MTUS2: variants seen among roughly 807,000 people sequenced by gnomAD.
MTUS2 encodes microtubule associated scaffold protein 2.
MTUS2 carries 40 observed loss-of-function variants against 114.1 expected under a neutral mutation model. The observed-to-expected ratio is 0.35, with a 90% CI of 0.27 to 0.46. MTUS2 has a LOEUF of 0.46. MTUS2 is among the 20% of genes least tolerant of loss of function. MTUS2 has a pLI of 1.00. For synonymous variants in MTUS2, 688 were observed against 672.0 expected, an observed-to-expected ratio of 1.02 and a Z score of -0.37; for missense variants, 1,679 against 1,705.4, an observed-to-expected ratio of 0.98 and a Z score of 0.27.
intron 5 of MTUS2, among the ~76,000 whole-genome samples, chr13:29,185,693 T>G (rs1894195549): frequency 6.6e-6 from 1 of 152,178 alleles, no homozygotes; most frequent in East Asian, 1.9e-4. Context: ...AGCAAAGCCA[T>G]CCTTTAATAA....
chr13:29,201,600 A>G (rs974591969), intron 5 of MTUS2, among the ~76,000 whole-genome samples: 4 of 152,138 alleles, frequency 2.6e-5, no homozygotes, highest in African/African-American at 4.8e-5. Context: ...TCATGGTGTC[A>G]GTGGTCTTTA....
intron 6 of MTUS2, among the ~76,000 whole-genome samples, chr13:29,291,191 G>GCT (rs1475050290): frequency 6.6e-6 from 1 of 152,102 alleles, no homozygotes; most frequent in Admixed American, 6.5e-5. Flanking sequence ...GGTAGAGGCA[G>GCT]CTCACAGCAG....
chr13:29,371,985 C>A (rs1042264672), intron 8 of MTUS2, among the ~76,000 whole-genome samples: 2 of 54,164 alleles, frequency 3.7e-5, no homozygotes, highest in African/African-American at 1.1e-4. Context: ...CGCCCCCCCC[C>A]CCACACACAC....
intron 2 of MTUS2, among the ~76,000 whole-genome samples, chr13:28,989,134 G>C (rs796206288): frequency 2.0e-5 from 3 of 152,298 alleles, no homozygotes; most frequent in African/African-American, 7.2e-5. Context: ...GATAACTTAA[G>C]ATGCTCTGTT....
chr13:28,935,500 C>G (rs533817795), intron 2 of MTUS2, among the ~76,000 whole-genome samples: 1 of 151,792 alleles, frequency 6.6e-6, no homozygotes, highest in Admixed American at 6.6e-5. Flanking sequence ...ATATTGCAGA[C>G]AAGTCCTCTG....
At chr13:29,459,891 C>A (rs1320500749) in intron 9 of MTUS2, among the ~76,000 whole-genome samples, 1 of 152,124 alleles carries the variant, frequency 6.6e-6, no homozygotes, top group Non-Finnish European at 1.5e-5. Context: ...ACTTCTCCTG[C>A]CTCTTCCTAA....
rs145313677 is a variant in MTUS2 at position 28,823,627 on chromosome 13, G to C, written c.-316+3016G>C. On this transcript the variant is annotated intron_variant, in intron 1 of 15. Coordinates refer to ENST00000612955, the MANE Select transcript of MTUS2 (RefSeq NM_001033602.4). ...CTCAACTGGGCCTCAACCTTGGCCC[G>C]TAAGAACTGCAGCTTTCAACACAAA... is the stretch of plus-strand genomic sequence containing the variant. 9.9e-4 allele frequency among the ~76,000 whole-genome samples: 151 copies of C among 152,314 alleles called. 1 individual carries two copies. Among genetic ancestry groups the C allele is most frequent in the African/African-American group, 3.5e-3 (146 of 41,572 alleles).
intron 5 of MTUS2, among the ~76,000 whole-genome samples, chr13:29,178,433 G>A (rs1049801070): frequency 6.6e-6 from 1 of 152,064 alleles, no homozygotes; most frequent in Non-Finnish European, 1.5e-5. Flanking sequence ...CAGAACCAGA[G>A]TTAGGAATTA....
chr13:29,007,291 C>G (rs1885642947), intron 2 of MTUS2, among the ~76,000 whole-genome samples: 1 of 151,876 alleles, frequency 6.6e-6, no homozygotes, highest in South Asian at 2.1e-4. Flanking sequence ...AATTGCAGTC[C>G]TCTGTCTGCC....
chr13:28,832,310 C>T (rs1181408189), intron 1 of MTUS2, among the ~76,000 whole-genome samples: 1 of 152,008 alleles, frequency 6.6e-6, no homozygotes, highest in Non-Finnish European at 1.5e-5. Flanking sequence ...TGAAATAATA[C>T]AGAATATGTT....
intron 5 of MTUS2, among the ~76,000 whole-genome samples, chr13:29,149,637 A>G (rs7999371): frequency 0.9 from 137,564 of 152,212 alleles, 62,199 homozygotes; most frequent in East Asian, 0.96. Context: ...TTCTTCTAGG[A>G]TTTTTATAGT....
intron 5 of MTUS2, among the ~76,000 whole-genome samples, chr13:29,221,953 TTAGAGA>T (rs906236377): frequency 2.2e-4 from 34 of 152,336 alleles, no homozygotes; most frequent in African/African-American, 7.2e-4. Flanking sequence ...TATTTTCTTT[TTAGAGA>T]TAGAGTCTCA....
At chr13:29,397,534 CCAGT>C (rs1260456484) in intron 8 of MTUS2, among the ~76,000 whole-genome samples, 1 of 152,184 alleles carries the variant, frequency 6.6e-6, no homozygotes, top group African/African-American at 2.4e-5. Flanking sequence ...CATCCTAGGC[CCAGT>C]CAGTCAGAAT....
chr13:29,098,373 T>C (rs1474613397), intron 4 of MTUS2, among the ~76,000 whole-genome samples: 1 of 152,164 alleles, frequency 6.6e-6, no homozygotes, highest in Non-Finnish European at 1.5e-5. Context: ...TAGTGTATGA[T>C]ATAGGTACCA....
At chr13:29,470,276 T>C (rs1460786304) in intron 9 of MTUS2, among the ~76,000 whole-genome samples, 1 of 152,224 alleles carries the variant, frequency 6.6e-6, no homozygotes, top group Non-Finnish European at 1.5e-5. Context: ...CATGAAAGGC[T>C]TATCAAAATT....
At chr13:29,364,122 C>T (rs933027485) in intron 8 of MTUS2, among the ~76,000 whole-genome samples, 20 of 152,102 alleles carry the variant, frequency 1.3e-4, no homozygotes, top group African/African-American at 3.1e-4. Context: ...AGGGGGGAAA[C>T]GCACAATTGC....
At chr13:29,332,372 G>A (rs1257878636) in intron 7 of MTUS2, among the ~76,000 whole-genome samples, 2 of 152,052 alleles carry the variant, frequency 1.3e-5, no homozygotes, top group Admixed American at 6.5e-5. Flanking sequence ...ATTCTCGGAT[G>A]GTAGTTTGTA....
At chr13:29,239,857 G>A (rs1320301816) in intron 5 of MTUS2, 2 of 152,160 alleles carry the variant, frequency 1.3e-5, no homozygotes, top group Non-Finnish European at 2.9e-5. Context: ...AGGTAATCCA[G>A]GAGTGAGGCC....
intron 4 of MTUS2, among the ~76,000 whole-genome samples, chr13:29,076,464 G>A (rs1889196929): frequency 6.6e-6 from 1 of 152,174 alleles, no homozygotes; most frequent in African/African-American, 2.4e-5. Flanking sequence ...TCCAGTCTTG[G>A]AGCCTCTCAT....
Sources: gnomAD v4.1 joint callset for allele counts (sites outside exome capture counted in the v4.1 genomes callset) on GRCh38, gnomAD v4.1.1 for gene constraint, MANE v1.5 for transcripts, NCBI Gene and HGNC (gene_info 2026-07-23, HGNC 2026-07-21) for gene names.